B4GALT5: variants seen among roughly 807,000 people sequenced by gnomAD.
The protein encoded by B4GALT5 is beta-1,4-galactosyltransferase 5.
In B4GALT5, 11 loss-of-function variants were observed where a neutral mutation model predicts 45.0. The ratio of observed to expected loss-of-function variants is 0.24; its 90% CI spans 0.15 to 0.40. The LOEUF is 0.40. Among genes scored for constraint, B4GALT5 ranks in the 10% least tolerant of loss-of-function variants. The probability of loss-of-function intolerance (pLI) is 1.00; values close to 1 mark genes in which losing one functional copy is unlikely to be tolerated. For synonymous variants in B4GALT5, 185 were observed against 182.9 expected (o/e 1.01, Z -0.09); for missense variants, 337 against 500.2 (o/e 0.67, Z 3.11).
At chr20:49,636,907 G>GACAAACACAC (rs1555810740) in intron 8 of B4GALT5, among the ~76,000 whole-genome samples, 3 of 146,494 alleles carry the variant, frequency 2.0e-5, no homozygotes, top group South Asian at 4.5e-4. Flanking sequence ...ATTTAGAAAA[G>GACAAACACAC]ACACACACAC....
chr20:49,698,576 A>G (rs574467094), intron 1 of B4GALT5, among the ~76,000 whole-genome samples: 2 of 152,260 alleles, frequency 1.3e-5, no homozygotes, highest in South Asian at 4.1e-4. Context: ...CCCACACCAA[A>G]GCCAAAACAT....
intron 1 of B4GALT5, 45 bp downstream of exon 1, chr20:49,713,531 C>T: frequency 6.5e-7 from 1 of 1,538,138 alleles, no homozygotes; most frequent in Non-Finnish European, 8.8e-7. Context: ...CCGGGTCCCT[C>T]AAGGCCAGAG....
At chr20:49,657,664 A>T (rs1429093640) in intron 1 of B4GALT5, among the ~76,000 whole-genome samples, 2 of 152,128 alleles carry the variant, frequency 1.3e-5, no homozygotes, top group African/African-American at 4.8e-5. Context: ...CTGGGGGTGG[A>T]TTCATCTAAC....
At position 49,634,316 on chromosome 20, in the gene B4GALT5, A is replaced by C. The variant is rs1404007620; in HGVS notation, c.*1996T>G. 5.3e-5 allele frequency: 8 copies of C among 152,106 alleles called. No individual in the cohort carries two copies. Among genetic ancestry groups the C allele is most frequent in the Non-Finnish European group, 1.0e-4 (7 of 67,948 alleles). The allele number at this position is 152,106 out of a possible 1,614,324, so 9.4% of individuals were successfully genotyped here. On this transcript the variant is annotated 3_prime_UTR_variant, in exon 9 of 9. Transcript: ENST00000371711. ...CTAACCCACACACATACACACACACACCCCTACACACACCCATGTAAACTA... is the reference window on the plus strand; with the variant it reads ...CTAACCCACACACATACACACACACCCCCCTACACACACCCATGTAAACTA...
intron 1 of B4GALT5, among the ~76,000 whole-genome samples, chr20:49,680,361 A>G (rs1244809652): frequency 1.3e-5 from 2 of 152,236 alleles, no homozygotes; most frequent in Non-Finnish European, 2.9e-5. Context: ...TGTTTTAAAA[A>G]ATAATAATAA....
chr20:49,689,670 C>CA, intron 1 of B4GALT5, among the ~76,000 whole-genome samples: 1 of 152,286 alleles, frequency 6.6e-6, no homozygotes, highest in African/African-American at 2.4e-5. Flanking sequence ...CTAAACACTT[C>CA]AACATGCATG....
At chr20:49,678,937 G>A (rs1278831392) in intron 1 of B4GALT5, among the ~76,000 whole-genome samples, 2 of 151,948 alleles carry the variant, frequency 1.3e-5, no homozygotes, top group African/African-American at 2.4e-5. Flanking sequence ...ACAAAGCAAA[G>A]TTCCCTCCAT....
At chr20:49,672,710 G>C (rs1051618745) in intron 1 of B4GALT5, among the ~76,000 whole-genome samples, 2 of 152,174 alleles carry the variant, frequency 1.3e-5, no homozygotes, top group African/African-American at 4.8e-5. Flanking sequence ...ATGGAAACTT[G>C]TAAGGAGTCA....
intron 2 of B4GALT5, among the ~76,000 whole-genome samples, chr20:49,654,265 C>G (rs1415781775): frequency 6.6e-6 from 1 of 152,058 alleles, no homozygotes; most frequent in Non-Finnish European, 1.5e-5. Context: ...ATTATATGTA[C>G]TATGTGTGAA....
At chr20:49,697,933 C>T (rs6122810) in intron 1 of B4GALT5, among the ~76,000 whole-genome samples, 9 of 152,036 alleles carry the variant, frequency 5.9e-5, no homozygotes, top group Non-Finnish European at 8.8e-5. Context: ...CAGTTTTTAC[C>T]TGATTAAATA....
At chr20:49,691,342 C>T (rs1335888443) in intron 1 of B4GALT5, among the ~76,000 whole-genome samples, 2 of 152,028 alleles carry the variant, frequency 1.3e-5, no homozygotes, top group Middle Eastern at 3.2e-3. Context: ...CATAGTGAGG[C>T]CCTGTCTCTA....
chr20:49,642,077 C>A (rs192931775), intron 5 of B4GALT5, among the ~76,000 whole-genome samples: 78 of 152,292 alleles, frequency 5.1e-4, no homozygotes, highest in Non-Finnish European at 8.5e-4. Context: ...ATGTCCCAGG[C>A]CACTTGGTTG....
Position 49,636,274 on chromosome 20 carries a change from T to C in B4GALT5, c.*38A>G. On this transcript the variant is annotated 3_prime_UTR_variant, in exon 9 of 9. Transcript: ENST00000371711. Reference sequence around the variant, plus strand: ...AAAAAATCTCATCGGACTGCTTTCTTGGTGGCGGTGGGTAAAGCAAACGTA... The same window carrying C: ...AAAAAATCTCATCGGACTGCTTTCTCGGTGGCGGTGGGTAAAGCAAACGTA... 1 of 1,609,156 alleles carries C rather than the reference T, an allele frequency of 6.2e-7. No homozygotes were observed. The highest frequency in any genetic ancestry group is 1.7e-5 in the Admixed American group (1 of 59,074).
intron 1 of B4GALT5, among the ~76,000 whole-genome samples, chr20:49,708,690 G>A (rs1353697817): frequency 6.6e-6 from 1 of 152,162 alleles, no homozygotes; most frequent in Non-Finnish European, 1.5e-5. Flanking sequence ...GCTCATGTCT[G>A]TAATCCCAGC....
intron 1 of B4GALT5, among the ~76,000 whole-genome samples, chr20:49,707,715 G>C (rs1216064195): frequency 6.6e-6 from 1 of 152,096 alleles, no homozygotes; most frequent in Admixed American, 6.6e-5. Context: ...CCCAGGCTCA[G>C]GTGATCTTCT....
chr20:49,684,912 A>G (rs2085779303), intron 1 of B4GALT5, among the ~76,000 whole-genome samples: 1 of 152,218 alleles, frequency 6.6e-6, no homozygotes, highest in South Asian at 2.1e-4. Flanking sequence ...ATTGAAACAG[A>G]GTAGGCCTTC....
intron 1 of B4GALT5, among the ~76,000 whole-genome samples, chr20:49,660,234 T>C (rs1024291142): frequency 2.6e-5 from 4 of 152,168 alleles, no homozygotes; most frequent in Non-Finnish European, 5.9e-5. Flanking sequence ...CCAGATGCAA[T>C]AGGATGAGCC....
At chr20:49,671,470 G>C (rs1246580738) in intron 1 of B4GALT5, among the ~76,000 whole-genome samples, 1 of 152,174 alleles carries the variant, frequency 6.6e-6, no homozygotes, top group African/African-American at 2.4e-5. Flanking sequence ...ATTGATTCAA[G>C]ACGGTATATA....
At chr20:49,663,688 AAAATATATACATATATATATATAT>A (rs2085675470) in intron 1 of B4GALT5, among the ~76,000 whole-genome samples, 3 of 106,952 alleles carry the variant, frequency 2.8e-5, no homozygotes, top group Non-Finnish European at 5.7e-5. Flanking sequence ...AAAAAAAAAA[AAAATATATACATATATATATATAT>A]ATATATATAT....
Sources: gnomAD v4.1 joint callset for allele counts (sites outside exome capture counted in the v4.1 genomes callset) on GRCh38, gnomAD v4.1.1 for gene constraint, MANE v1.5 for transcripts, NCBI Gene and HGNC (gene_info 2026-07-23, HGNC 2026-07-21) for gene names.